The following CCDC63 variants were observed in gnomAD, a reference collection of about 807,000 sequenced individuals.
CCDC63 encodes the protein coiled-coil domain containing 63.
A neutral mutation model predicts 63.6 loss-of-function variants in CCDC63; 54 were observed. The observed-to-expected ratio is 0.85, with a 90% CI of 0.68 to 1.07. The LOEUF (loss-of-function observed/expected upper bound fraction) is 1.07. CCDC63 is among the 50% of genes least tolerant of loss of function. The pLI, the probability that CCDC63 is intolerant of heterozygous loss-of-function variation, is 0.00. For missense variants in CCDC63, 637 were observed against 689.6 expected, an observed-to-expected ratio of 0.92 and a Z score of 0.86; for synonymous variants, 253 against 266.1, an observed-to-expected ratio of 0.95 and a Z score of 0.48.
At chr12:110,866,508 T>C (rs1451240969) in intron 4 of CCDC63, among the ~76,000 whole-genome samples, 7 of 134,850 alleles carry the variant, frequency 5.2e-5, no homozygotes, top group African/African-American at 2.0e-4. Context: ...AGATTAGGGA[T>C]TGGTGATGAC....
At chr12:110,888,849 CCT>C (rs746657475) in intron 8 of CCDC63, among the ~76,000 whole-genome samples, 6,040 of 69,132 alleles carry the variant, frequency 0.087, 288 homozygotes, top group Admixed American at 0.11. Flanking sequence ...TTCCTTCCTT[CCT>C]TCCTTCCTTC....
chr12:110,848,564 G>A (rs1206578290), intron 1 of CCDC63, among the ~76,000 whole-genome samples: 1 of 152,186 alleles, frequency 6.6e-6, no homozygotes, highest in African/African-American at 2.4e-5. Flanking sequence ...GGTTCCTGGA[G>A]AATGGTGCAT....
Position 110,882,468 on chromosome 12 carries a change from G to A in CCDC63, c.853+1172G>A, listed in dbSNP as rs116086471. Among the ~76,000 whole-genome samples the A allele has an allele frequency of 5.2e-3, 789 of 152,106 alleles. 5 individuals carry two copies. Among genetic ancestry groups the A allele is most frequent in the African/African-American group, 0.018 (763 of 41,492 alleles). On this transcript the variant is annotated intron_variant, in intron 7 of 11. Transcript: ENST00000308208. ...GGTCTGATGGTGACAAGGTGCTGAG[G>A]GGTAGAAAAAAGCAGATCCTAAGTC...
intron 8 of CCDC63, among the ~76,000 whole-genome samples, chr12:110,887,130 C>T (rs953930266): frequency 1.3e-5 from 2 of 151,572 alleles, no homozygotes; most frequent in Non-Finnish European, 2.9e-5. Flanking sequence ...AATTTTCTTT[C>T]TTTTTTTCTT....
intron 10 of CCDC63, among the ~76,000 whole-genome samples, chr12:110,903,981 C>T (rs1330003560): frequency 6.6e-6 from 1 of 152,148 alleles, no homozygotes; most frequent in Non-Finnish European, 1.5e-5. Context: ...CCTAATTGCC[C>T]TCCTTGTGAA....
At chr12:110,874,855 T>G (rs1343910666) in intron 5 of CCDC63, among the ~76,000 whole-genome samples, 2 of 152,060 alleles carry the variant, frequency 1.3e-5, no homozygotes, top group African/African-American at 4.8e-5. Flanking sequence ...GGCAGCCCTA[T>G]TCAAAATAAG....
rs151177524 is a variant in CCDC63, at chr12:110,874,680, C to T, written c.489+719C>T. Among the ~76,000 whole-genome samples the T allele has an allele frequency of 4.8e-3, 726 of 152,264 alleles. 1 individual carries two copies. Among genetic ancestry groups the T allele is most frequent in the African/African-American group, 0.017 (700 of 41,550 alleles). On this transcript the variant is annotated intron_variant, in intron 5 of 11. Coordinates refer to ENST00000308208, the MANE Select transcript of CCDC63 (RefSeq NM_152591.3). The stretch of plus-strand genomic sequence containing the variant: ...CATCTTTTTCCTAAGAGTTTAATGA[C>T]GTATTCTGGGGAGAGTTCCCACTGG...
At chr12:110,868,490 G>A (rs1428154407) in intron 4 of CCDC63, among the ~76,000 whole-genome samples, 2 of 150,098 alleles carry the variant, frequency 1.3e-5, no homozygotes, top group Non-Finnish European at 3.0e-5. Context: ...GGCACCTCGG[G>A]AGGCCGAGGT....
chr12:110,853,649 C>T (rs2070735330), intron 3 of CCDC63, 75 bp downstream of exon 3: 2 of 1,561,388 alleles, frequency 1.3e-6, no homozygotes, highest in Admixed American at 1.7e-5. Flanking sequence ...TGCTTGTCTT[C>T]TGTTCTGTGA....
At chr12:110,863,519 C>T (rs762521362) in intron 4 of CCDC63, among the ~76,000 whole-genome samples, 19 of 150,804 alleles carry the variant, frequency 1.3e-4, no homozygotes, top group Admixed American at 5.3e-4. Flanking sequence ...AAATATCTGA[C>T]TGGAAATAGG....
intron 8 of CCDC63, among the ~76,000 whole-genome samples, chr12:110,884,525 G>C (rs957649870): frequency 1.3e-5 from 2 of 152,056 alleles, no homozygotes; most frequent in African/African-American, 2.4e-5. Context: ...GACTACAGGT[G>C]TGCACCACCA....
At chr12:110,880,761 A>G (rs1252126263) in intron 6 of CCDC63, among the ~76,000 whole-genome samples, 2 of 2,200 alleles carry the variant, frequency 9.1e-4, no homozygotes, top group African/African-American at 1.6e-3. Context: ...GGTGGTGATG[A>G]TAGTGGTGAT....
At chr12:110,896,493 G>T (rs1289575051) in intron 9 of CCDC63, among the ~76,000 whole-genome samples, 1 of 152,190 alleles carries the variant, frequency 6.6e-6, no homozygotes, top group Non-Finnish European at 1.5e-5. Context: ...AAATAGGGGT[G>T]TGAATAGGGC....
At chr12:110,887,460 A>C (rs2071298471) in intron 8 of CCDC63, among the ~76,000 whole-genome samples, 1 of 151,548 alleles carries the variant, frequency 6.6e-6, no homozygotes, top group Non-Finnish European at 1.5e-5. Context: ...CTTATACAAA[A>C]TGTTTTTGTT....
intron 11 of CCDC63, 43 bp downstream of exon 11, chr12:110,904,834 C>T: frequency 2.0e-6 from 3 of 1,514,854 alleles, no homozygotes; most frequent in Non-Finnish European, 2.7e-6. Flanking sequence ...GCTAGGGAAC[C>T]TGTGCCTTCA....
At chr12:110,876,520 A>AG (rs956034655) in intron 5 of CCDC63, among the ~76,000 whole-genome samples, 1 of 152,130 alleles carries the variant, frequency 6.6e-6, no homozygotes, top group African/African-American at 2.4e-5. Context: ...CTGGCACCTG[A>AG]GAGTGAGTGC....
intron 5 of CCDC63, among the ~76,000 whole-genome samples, chr12:110,879,321 G>A (rs147858704): frequency 2.0e-5 from 3 of 152,276 alleles, no homozygotes; most frequent in African/African-American, 7.2e-5. Flanking sequence ...CCAAAGGGAC[G>A]TTGTCCCCAA....
intron 4 of CCDC63, among the ~76,000 whole-genome samples, chr12:110,871,582 CAG>C (rs2071069045): frequency 7.0e-6 from 1 of 142,336 alleles, no homozygotes; most frequent in Non-Finnish European, 1.5e-5. Flanking sequence ...TTTTTTGAGA[CAG>C]AGACTTGCTC....
At chr12:110,861,867 G>A (rs867521326) in intron 4 of CCDC63, among the ~76,000 whole-genome samples, 4 of 151,742 alleles carry the variant, frequency 2.6e-5, no homozygotes, top group African/African-American at 9.7e-5. Flanking sequence ...CACTGTGCCC[G>A]GCCTCAAATG....
Sources: allele counts gnomAD v4.1 joint callset (sites outside exome capture counted in the v4.1 genomes callset), GRCh38; gene constraint gnomAD v4.1.1; transcripts MANE v1.5; gene names NCBI Gene and HGNC (gene_info 2026-07-23, HGNC 2026-07-21).